C9: variants seen among roughly 807,000 people sequenced by gnomAD.
C9 encodes the protein complement component C9.
Under a neutral mutation model 65.4 loss-of-function variants are expected in C9, and 63 were observed. The ratio of observed to expected loss-of-function variants is 0.96; its 90% CI spans 0.79 to 1.19. The LOEUF is 1.19. Among genes scored for constraint, C9 ranks in the 50% most tolerant of loss-of-function variants. C9 has a pLI of 0.00. For synonymous variants in C9, 229 were observed against 227.9 expected, an observed-to-expected ratio of 1.00 and a Z score of -0.04; for missense variants, 744 against 670.1, an observed-to-expected ratio of 1.11 and a Z score of -1.22.
At chr5:39,319,456 T>C (rs1753628871) in intron 5 of C9, among the ~76,000 whole-genome samples, 1 of 152,102 alleles carries the variant, frequency 6.6e-6, no homozygotes, top group Non-Finnish European at 1.5e-5. Context: ...GGCTGGTCTC[T>C]GTAGCCCTAG....
At position 39,342,128 on chromosome 5, in the gene C9, C is replaced by T; in HGVS notation, c.146G>A (p.Ser49Asn). ...SHIDCRMSPWSEWSQCDPCLR... is the reference protein window; with the variant it reads ...SHIDCRMSPWNEWSQCDPCLR... ...ACAAGGATCGCATTGTGACCATTCA[C>T]TCCAGGGGCTCATTCTGCAGTCTAT... Residue 49 changes from serine (S) to asparagine (N), a missense_variant, in exon 2 of 11, where the codon AGT becomes AAT. Transcript: ENST00000263408. 1 of 1,609,392 alleles carries T rather than the reference C, an allele frequency of 6.2e-7. No homozygotes were observed. Among genetic ancestry groups the T allele is most frequent in the Non-Finnish European group, 8.5e-7 (1 of 1,175,672 alleles).
intron 10 of C9, among the ~76,000 whole-genome samples, chr5:39,286,642 G>C (rs1001355787): frequency 5.9e-5 from 9 of 151,842 alleles, no homozygotes; most frequent in Non-Finnish European, 1.3e-4. Flanking sequence ...GAAATCAGCA[G>C]AATATTCTAC....
rs1384358779 is a variant in C9, at chr5:39,285,251, G to A, written c.1646-18C>T. ...TGGCAATCCTAGAGAAAACAAATAA[G>A]TATCAAATCTTAATCATCAATAGGA... On this transcript the variant is annotated intron_variant, in intron 10 of 10. Transcript: ENST00000263408. 4 of 1,606,298 alleles carry A rather than the reference G, an allele frequency of 2.5e-6. No individual in the cohort carries two copies. Among genetic ancestry groups the A allele is most frequent in the Non-Finnish European group, 3.4e-6 (4 of 1,173,040 alleles).
intron 9 of C9, among the ~76,000 whole-genome samples, chr5:39,305,704 A>AT (rs887759172): frequency 4.8e-4 from 73 of 151,472 alleles, no homozygotes; most frequent in East Asian, 4.3e-3. Flanking sequence ...ATGATAACAC[A>AT]TTTTTTTTTG....
chr5:39,311,601 C>A (rs1753486448), intron 6 of C9, among the ~76,000 whole-genome samples: 1 of 144,488 alleles, frequency 6.9e-6, no homozygotes, highest in Non-Finnish European at 1.6e-5. Context: ...TAAAATTAGA[C>A]AGCCACTTTG....
chr5:39,291,459 A>G (rs1230078694), intron 9 of C9, among the ~76,000 whole-genome samples: 3 of 151,936 alleles, frequency 2.0e-5, no homozygotes, highest in Admixed American at 2.0e-4. Flanking sequence ...AAAGATCCAT[A>G]TATTTTGAGC....
intron 9 of C9, among the ~76,000 whole-genome samples, chr5:39,299,181 C>G (rs1427312235): frequency 6.6e-6 from 1 of 151,888 alleles, no homozygotes; most frequent in Non-Finnish European, 1.5e-5. Context: ...AAAGAAATCT[C>G]TATTTCAGAT....
chr5:39,335,922 T>C (rs894420497), intron 4 of C9, among the ~76,000 whole-genome samples: 8 of 152,116 alleles, frequency 5.3e-5, no homozygotes, highest in African/African-American at 1.4e-4. Context: ...ATGAGGGTAA[T>C]GGTCTTCAGA....
At chr5:39,341,767 A>G (rs1400479936) in intron 2 of C9, 67 bp from the exon 3 acceptor site, 12 of 1,423,306 alleles carry the variant, frequency 8.4e-6, no homozygotes, top group Non-Finnish European at 1.1e-5. Flanking sequence ...CTAAAGGTGC[A>G]TCCATACAAC....
intron 1 of C9, among the ~76,000 whole-genome samples, chr5:39,347,625 C>T (rs1281471868): frequency 1.3e-5 from 2 of 152,164 alleles, no homozygotes; most frequent in Non-Finnish European, 2.9e-5. Context: ...AATGCCATCC[C>T]TATCAAGCTA....
At chr5:39,348,215 C>T (rs1236706661) in intron 1 of C9, among the ~76,000 whole-genome samples, 1 of 151,958 alleles carries the variant, frequency 6.6e-6, no homozygotes, top group East Asian at 1.9e-4. Flanking sequence ...AAAGAAACTA[C>T]CATCAGAGCG....
At chr5:39,305,609 G>A (rs1370162821) in intron 9 of C9, among the ~76,000 whole-genome samples, 4 of 151,968 alleles carry the variant, frequency 2.6e-5, no homozygotes, top group African/African-American at 7.2e-5. Context: ...ACCAGTAAAA[G>A]AAGTAAAGAA....
chr5:39,317,377 T>C (rs1753585919), intron 5 of C9, among the ~76,000 whole-genome samples: 1 of 152,238 alleles, frequency 6.6e-6, no homozygotes, highest in Non-Finnish European at 1.5e-5. Flanking sequence ...CAATTTTTGT[T>C]TTTGTTGCAA....
intron 5 of C9, among the ~76,000 whole-genome samples, chr5:39,327,860 T>G (rs576178269): frequency 6.6e-6 from 1 of 152,016 alleles, no homozygotes; most frequent in Non-Finnish European, 1.5e-5. Flanking sequence ...AAAAGGGAGC[T>G]CAAAATAAGC....
At chr5:39,340,639 C>A (rs80258751) in intron 4 of C9, among the ~76,000 whole-genome samples, 1 of 152,178 alleles carries the variant, frequency 6.6e-6, no homozygotes, top group Admixed American at 6.5e-5. Context: ...AGAACCTCAA[C>A]ATAATCATCC....
intron 9 of C9, among the ~76,000 whole-genome samples, chr5:39,292,405 TG>T (rs112167232): frequency 0.024 from 3,530 of 150,206 alleles, 146 homozygotes; most frequent in African/African-American, 0.081. Context: ...GAAATGTCAT[TG>T]AAAAAAATAC....
intron 4 of C9, among the ~76,000 whole-genome samples, chr5:39,333,990 G>T: frequency 6.6e-6 from 1 of 152,160 alleles, no homozygotes. Context: ...CGCCTGCCTT[G>T]GCCCCCCAAA....
chr5:39,286,509 A>T (rs1161069580), intron 10 of C9, among the ~76,000 whole-genome samples: 1 of 152,048 alleles, frequency 6.6e-6, no homozygotes, highest in East Asian at 1.9e-4. Flanking sequence ...TTGAAAAAGA[A>T]CCAAATCAAA....
chr5:39,346,365 A>C (rs960240341), intron 1 of C9, among the ~76,000 whole-genome samples: 6 of 152,228 alleles, frequency 3.9e-5, no homozygotes, highest in Non-Finnish European at 7.3e-5. Flanking sequence ...CAGAAATACA[A>C]ACTACCATCA....
Sources: gnomAD v4.1 joint callset for allele counts (sites outside exome capture counted in the v4.1 genomes callset) on GRCh38, gnomAD v4.1.1 for gene constraint, MANE v1.5 for transcripts, NCBI Gene and HGNC (gene_info 2026-07-23, HGNC 2026-07-21) for gene names.